The following ATRN variants were observed in gnomAD, a reference collection of about 807,000 sequenced individuals.
ATRN encodes attractin-2.
A neutral mutation model predicts 178.7 loss-of-function variants in ATRN; 54 were observed. The observed-to-expected ratio is 0.30, with a 90% confidence interval of 0.24 to 0.38. The LOEUF (loss-of-function observed/expected upper bound fraction) is 0.38. Ranked by LOEUF, ATRN falls within the 10% of genes least tolerant of loss-of-function variation. The probability of loss-of-function intolerance (pLI) is 1.00; values close to 1 mark genes in which losing one functional copy is unlikely to be tolerated. For missense variants in ATRN, 1,443 were observed against 1,815.1 expected (o/e 0.79, Z 3.73); for synonymous variants, 636 against 663.0 (o/e 0.96, Z 0.63).
intron 1 of ATRN, among the ~76,000 whole-genome samples, chr20:3,492,471 T>TTAA (rs1258861655): frequency 2.0e-5 from 3 of 152,166 alleles, no homozygotes; most frequent in African/African-American, 7.2e-5. Context: ...GGGTGCTTAG[T>TTAA]AGGCTTTGTG....
chr20:3,488,628 A>G (rs1419959547), intron 1 of ATRN, among the ~76,000 whole-genome samples: 1 of 152,196 alleles, frequency 6.6e-6, no homozygotes, highest in Non-Finnish European at 1.5e-5. Context: ...CTTAATTAGT[A>G]TGGATTTATG....
Position 3,576,875 on chromosome 20 carries a change from A to T in ATRN, c.2231A>T (p.Tyr744Phe), listed in dbSNP as rs573474915. 1 of 1,614,092 alleles carries T rather than the reference A, an allele frequency of 6.2e-7. No individual in the cohort carries two copies. The highest frequency in any genetic ancestry group is 8.5e-7 in the Non-Finnish European group (1 of 1,179,982). ...GTGTTCTAGATCTCCATTTTTAGGTATGAGAATTGCCCCAAGGATAACCCC... is the reference window on the plus strand; with the variant it reads ...GTGTTCTAGATCTCCATTTTTAGGTTTGAGAATTGCCCCAAGGATAACCCC... The part of the protein sequence containing the change: ...CSEGQISIFR[Y>F]ENCPKDNPMY... Residue 744 changes from tyrosine (Y) to phenylalanine (F), a missense_variant, in exon 14 of 29, where the codon TAT (tyrosine) becomes TTT (phenylalanine). This residue lies in a region of ATRN where 862 missense variants were observed against 972.1 expected (regional missense o/e 0.89). Transcript: ENST00000262919.
chr20:3,545,794 A>G lies in ATRN; in HGVS notation c.641A>G (p.Glu214Gly), dbSNP rs763240659. The change falls in exon 4 of 29, where the codon GAG becomes GGG. Residue 214 changes from glutamate to glycine, a missense_variant. Glu to Gly is a moderately conservative substitution (Grantham distance 98, BLOSUM62 -2). Around this residue, in one of 4 missense-constraint regions of ATRN, gnomAD observed 862 missense variants for 972.1 expected, o/e 0.89. Coordinates refer to ENST00000262919, the MANE Select transcript of ATRN (RefSeq NM_139321.3). ...ATTGTTCCTGAGAGAGATGGCAATG[A>G]GACTGTCCCTGAGGTTGTTGCCACA... ...GLIVPERDGN[E>G]TVPEVVATSG... 4.3e-6 allele frequency: 7 copies of G among 1,613,982 alleles called. No homozygotes were observed. Among genetic ancestry groups the G allele is most frequent in the Non-Finnish European group, 5.9e-6 (7 of 1,179,968 alleles).
At chr20:3,527,497 A>G (rs1015474996) in intron 1 of ATRN, among the ~76,000 whole-genome samples, 3 of 152,210 alleles carry the variant, frequency 2.0e-5, no homozygotes, top group Non-Finnish European at 4.4e-5. Flanking sequence ...AAGTTCAATC[A>G]TTGTGGAAGA....
intron 1 of ATRN, among the ~76,000 whole-genome samples, chr20:3,527,348 GA>G (rs2032832863): frequency 6.6e-6 from 1 of 152,198 alleles, no homozygotes; most frequent in African/African-American, 2.4e-5. Flanking sequence ...GGTCATTAGA[GA>G]AATGCAAGTC....
chr20:3,643,595 T>C (rs2087085639), intron 27 of ATRN, among the ~76,000 whole-genome samples: 1 of 152,072 alleles, frequency 6.6e-6, no homozygotes, highest in Admixed American at 6.5e-5. Flanking sequence ...GATGAAAACA[T>C]ATTTTCCAGA....
At position 3,584,787 on chromosome 20, in the gene ATRN, G is replaced by A. The variant is rs2086333748; in HGVS notation, c.3091G>A (p.Ala1031Thr). ...YKGPVKMPSQ[A>T]PTGNFYPQPL... ...AGGACCAGTGAAGATGCCTTCGCAA[G>A]CCCCTACAGGAAATTTCTATCCACA... Residue 1031 changes from alanine to threonine, a missense_variant, in exon 18 of 29, where the codon GCC becomes ACC. Coordinates refer to ENST00000262919, the MANE Select transcript of ATRN (RefSeq NM_139321.3). 3.1e-6 allele frequency: 5 copies of A among 1,614,078 alleles called. No individual in the cohort carries two copies. Among genetic ancestry groups the A allele is most frequent in the Non-Finnish European group, 3.4e-6 (4 of 1,180,038 alleles).
At chr20:3,516,490 A>G (rs1014403471) in intron 1 of ATRN, among the ~76,000 whole-genome samples, 2 of 152,172 alleles carry the variant, frequency 1.3e-5, no homozygotes, top group African/African-American at 4.8e-5. Flanking sequence ...ATATATCCTG[A>G]TTTCTGAGCT....
At chr20:3,498,137 A>G (rs2084907238) in intron 1 of ATRN, among the ~76,000 whole-genome samples, 1 of 152,206 alleles carries the variant, frequency 6.6e-6, no homozygotes, top group Admixed American at 6.5e-5. Flanking sequence ...ACCAGGAAGA[A>G]GTTGAATCTC....
chr20:3,616,502 G>A, intron 24 of ATRN, among the ~76,000 whole-genome samples: 1 of 152,034 alleles, frequency 6.6e-6, no homozygotes, highest in Non-Finnish European at 1.5e-5. Flanking sequence ...CGGGGGAAGG[G>A]GGTGTTCGTG....
Position 3,547,404 on chromosome 20 carries a change from C to G in ATRN, c.858C>G (p.His286Gln), listed in dbSNP as rs2085720333. 3 of 1,614,000 alleles carry G rather than the reference C, an allele frequency of 1.9e-6. No individual in the cohort carries two copies. The highest frequency in any genetic ancestry group is 2.5e-6 in the Non-Finnish European group (3 of 1,179,880). Residue 286 changes from histidine (H) to glutamine (Q), a missense_variant, in exon 5 of 29, where the codon CAC becomes CAG. By Grantham distance (24) the His-to-Gln change is conservative. Coordinates refer to ENST00000262919, the MANE Select transcript of ATRN (RefSeq NM_139321.3). The stretch of plus-strand genomic sequence containing the variant: ...AAGGTGAAGCATGTGACATTCCTCA[C>G]TGTACAGACAACTGTGGTTTTCCTC... ...NWKGEACDIP[H>Q]CTDNCGFPHR...
chr20:3,626,781 CTTTTTTTTTTT>C (rs33999405), intron 25 of ATRN, among the ~76,000 whole-genome samples: 1 of 118,146 alleles, frequency 8.5e-6, no homozygotes. Context: ...TGAATTATTT[CTTTTTTTTTTT>C]TTTTTTTTGA....
chr20:3,568,153 T>C (rs956861077), intron 11 of ATRN, among the ~76,000 whole-genome samples: 3 of 151,370 alleles, frequency 2.0e-5, no homozygotes, highest in Non-Finnish European at 4.4e-5. Flanking sequence ...TAGCTGGGCG[T>C]GGTGGCGGGC....
chr20:3,622,511 TA>T (rs5840005), intron 24 of ATRN, among the ~76,000 whole-genome samples: 12,778 of 152,310 alleles, frequency 0.084, 644 homozygotes, highest in East Asian at 0.22. Flanking sequence ...AATTTTTAAT[TA>T]CCTCGTGTAA....
At chr20:3,491,767 A>T (rs532903526) in intron 1 of ATRN, among the ~76,000 whole-genome samples, 1 of 147,002 alleles carries the variant, frequency 6.8e-6, no homozygotes. Context: ...TGTCTGTTCA[A>T]CCCCCAAAAC....
At chr20:3,539,714 TC>T (rs932447825) in intron 2 of ATRN, among the ~76,000 whole-genome samples, 1 of 152,036 alleles carries the variant, frequency 6.6e-6, no homozygotes, top group Non-Finnish European at 1.5e-5. Context: ...AGTTTGGCTT[TC>T]TTCAATACAG....
intron 25 of ATRN, among the ~76,000 whole-genome samples, chr20:3,627,520 G>A (rs1271665015): frequency 6.6e-6 from 1 of 152,194 alleles, no homozygotes; most frequent in Non-Finnish European, 1.5e-5. Flanking sequence ...AAAACTGTCA[G>A]TTGGATCTTT....
intron 18 of ATRN, among the ~76,000 whole-genome samples, chr20:3,589,627 G>C (rs2086411012): frequency 6.6e-6 from 1 of 152,050 alleles, no homozygotes; most frequent in African/African-American, 2.4e-5. Context: ...AATCCTCAAG[G>C]TTAATTTGTA....
chr20:3,617,729 A>G (rs1021132758), intron 24 of ATRN, among the ~76,000 whole-genome samples: 5 of 152,152 alleles, frequency 3.3e-5, no homozygotes, highest in African/African-American at 1.2e-4. Context: ...GTATGAGTAT[A>G]TGATTTGGCC....
Sources: allele counts gnomAD v4.1 joint callset (sites outside exome capture counted in the v4.1 genomes callset), GRCh38; gene constraint gnomAD v4.1.1; regional missense constraint gnomAD v4.1.1; transcripts MANE v1.5; gene names NCBI Gene and HGNC (gene_info 2026-07-23, HGNC 2026-07-21).